The following PGS1 variants were observed in gnomAD, a reference collection of about 807,000 sequenced individuals.
PGS1 encodes phosphatidylglycerophosphate synthase 1.
A neutral mutation model predicts 58.3 loss-of-function variants in PGS1; 44 were observed. That is an observed-to-expected ratio of 0.75 (90% CI 0.59 to 0.97). The LOEUF is 0.97. Among genes scored for constraint, PGS1 ranks in the 50% least tolerant of loss-of-function variants. PGS1 has a pLI of 0.00. For missense variants in PGS1, 684 were observed against 731.1 expected, an observed-to-expected ratio of 0.94 and a Z score of 0.74; for synonymous variants, 330 against 311.0, an observed-to-expected ratio of 1.06 and a Z score of -0.64.
chr17:78,400,868 G>T lies in PGS1; in HGVS notation c.880+13G>T. 6.4e-7 allele frequency: 1 copy of T among 1,574,636 alleles called. No individual in the cohort carries two copies. ...CATCCTTACAAAGGTAGGGGCTGCC[G>T]CTGACACCCTTCTATGGCTGTGGGT... is the stretch of plus-strand genomic sequence containing the variant. On this transcript the variant is annotated intron_variant, in intron 6 of 9. Transcript: ENST00000262764. This position sits in a 1 kb window ranked among gnomAD's most constrained non-coding sequence, Gnocchi z 4.4.
At chr17:78,413,820 G>A (rs1260651049) in intron 7 of PGS1, among the ~76,000 whole-genome samples, 3 of 152,188 alleles carry the variant, frequency 2.0e-5, no homozygotes, top group South Asian at 2.1e-4. Context: ...GTTGTGGAAC[G>A]GGGCGCAAAA....
At chr17:78,404,792 A>G (rs1229994601) in intron 7 of PGS1, among the ~76,000 whole-genome samples, 1 of 151,078 alleles carries the variant, frequency 6.6e-6, no homozygotes, top group Non-Finnish European at 1.5e-5. Flanking sequence ...TTCCGAGTAG[A>G]TGGGATTACA....
intron 1 of PGS1, among the ~76,000 whole-genome samples, chr17:78,388,013 A>G (rs1350710852): frequency 1.3e-5 from 2 of 152,142 alleles, no homozygotes; most frequent in Non-Finnish European, 1.5e-5. Context: ...TTTTTTGGGT[A>G]TTTAAAATTG....
In PGS1 at chr17:78,392,643, C is replaced by T. The variant is rs2082911145; in HGVS notation, c.311C>T (p.Ala104Val). 1 of 1,613,868 alleles carries T rather than the reference C, an allele frequency of 6.2e-7. No homozygotes were observed. Among genetic ancestry groups the T allele is most frequent in the Non-Finnish European group, 8.5e-7 (1 of 1,179,898 alleles). Reference protein sequence around the residue: ...SSHVRVLSSPAEFFELMKGQI... With the variant: ...SSHVRVLSSPVEFFELMKGQI... ...CACGTTAGGGTGCTTTCTTCCCCGG[C>T]AGAGTTTTTCGAGCTCATGAAGGTA... The change falls in exon 2 of 10, where the codon GCA (alanine) becomes GTA (valine). Residue 104 changes from alanine to valine, a missense_variant. Coordinates refer to ENST00000262764, the MANE Select transcript of PGS1 (RefSeq NM_024419.5).
At chr17:78,420,282 C>T (rs564933064) in intron 9 of PGS1, 577 of 952,760 alleles carry the variant, frequency 6.1e-4, no homozygotes, top group Non-Finnish European at 6.9e-4. Context: ...AGGGGCCTGC[C>T]GCTTCACCAG....
In PGS1 at chr17:78,389,622, C is replaced by CTT. The variant is rs34954607; in HGVS notation, c.144-2846_144-2845dup. On this transcript the variant is annotated intron_variant, in intron 1 of 9. Transcript: ENST00000262764. ...AGGCGTGAGCCACCGTGCTCGGCCCCTTTTTTTTTGAGACGAAGTCTCACT... is the reference window on the plus strand; with the variant it reads ...AGGCGTGAGCCACCGTGCTCGGCCCCTTTTTTTTTTTGAGACGAAGTCTCACT... 9.2e-3 allele frequency among the ~76,000 whole-genome samples: 1,380 copies of CTT among 150,146 alleles called. 24 individuals are homozygous for CTT. The highest frequency in any genetic ancestry group is 0.031 in the African/African-American group (1,287 of 40,890).
intron 9 of PGS1, chr17:78,420,144 G>T: frequency 9.9e-7 from 1 of 1,013,338 alleles, no homozygotes; most frequent in African/African-American, 1.7e-5. Context: ...CACAGGGTGG[G>T]GCGTCGGTAG....
chr17:78,424,327 C>G lies in PGS1; in HGVS notation c.*277C>G. The G allele has an allele frequency of 1.4e-6, 1 of 715,956 alleles. No individual in the cohort carries two copies. The highest frequency in any genetic ancestry group is 2.2e-6 in the Non-Finnish European group (1 of 450,990). 44.4% of individuals were successfully genotyped at this position (715,956 alleles called of 1,614,324 possible). On this transcript the variant is annotated 3_prime_UTR_variant, in exon 10 of 10. Coordinates refer to ENST00000262764, the MANE Select transcript of PGS1 (RefSeq NM_024419.5). Reference sequence around the variant, plus strand: ...AGAGGCCTTCGTAGGTGATGGCCTGCATGTTGTAACTACCCCGTCCCGCTG... The same window carrying G: ...AGAGGCCTTCGTAGGTGATGGCCTGGATGTTGTAACTACCCCGTCCCGCTG...
intron 8 of PGS1, among the ~76,000 whole-genome samples, chr17:78,416,747 C>G (rs953832860): frequency 4.6e-5 from 7 of 152,226 alleles, no homozygotes; most frequent in African/African-American, 1.7e-4. Context: ...AGACTGATTT[C>G]TCTGCCTGTG....
chr17:78,380,642 G>GT (rs1448571591), intron 1 of PGS1, among the ~76,000 whole-genome samples: 1 of 152,116 alleles, frequency 6.6e-6, no homozygotes, highest in Admixed American at 6.5e-5. Flanking sequence ...CTGAGATTTG[G>GT]TTTACAGTTT....
chr17:78,396,746 A>G (rs372144631), intron 3 of PGS1, among the ~76,000 whole-genome samples: 24 of 152,352 alleles, frequency 1.6e-4, no homozygotes, highest in African/African-American at 5.5e-4. Flanking sequence ...TGGTTTTTAC[A>G]TTTTCAAATA....
chr17:78,416,140 G>A (rs966662872), intron 8 of PGS1, among the ~76,000 whole-genome samples: 1 of 152,158 alleles, frequency 6.6e-6, no homozygotes, highest in Admixed American at 6.5e-5. Context: ...TCACGACCAC[G>A]ACAGGCGCAA....
At chr17:78,416,642 C>G (rs1002418711) in intron 8 of PGS1, among the ~76,000 whole-genome samples, 1 of 152,206 alleles carries the variant, frequency 6.6e-6, no homozygotes, top group African/African-American at 2.4e-5. Flanking sequence ...GGGATATTTT[C>G]TTTTTCTTCC....
intron 1 of PGS1, among the ~76,000 whole-genome samples, chr17:78,384,940 C>T (rs938348): frequency 0.42 from 63,776 of 152,040 alleles, 14,720 homozygotes; most frequent in Admixed American, 0.52. Flanking sequence ...TCAGTGGCAT[C>T]CCTTCTCTGA....
At chr17:78,415,645 G>T (rs1443784757) in intron 8 of PGS1, among the ~76,000 whole-genome samples, 1 of 152,158 alleles carries the variant, frequency 6.6e-6, no homozygotes, top group East Asian at 1.9e-4. Context: ...AAAATAAAAG[G>T]GTTCAACAGT....
chr17:78,423,743 C>T, intron 9 of PGS1: 2 of 920,176 alleles, frequency 2.2e-6, no homozygotes, highest in Non-Finnish European at 3.3e-6. Flanking sequence ...TCCACACCAA[C>T]CTCCACCCTC....
intron 3 of PGS1, among the ~76,000 whole-genome samples, chr17:78,396,949 T>A (rs4969182): frequency 6.6e-6 from 1 of 151,998 alleles, no homozygotes; most frequent in East Asian, 1.9e-4. Context: ...AAATATTTAC[T>A]CTCTGGCCGT....
At chr17:78,410,856 T>C (rs866867391) in intron 7 of PGS1, among the ~76,000 whole-genome samples, 5 of 152,158 alleles carry the variant, frequency 3.3e-5, no homozygotes, top group South Asian at 2.1e-4. Flanking sequence ...CAAACAGATA[T>C]CTAACAAATA....
chr17:78,383,414 C>T (rs370781753), intron 1 of PGS1, among the ~76,000 whole-genome samples: 3 of 152,196 alleles, frequency 2.0e-5, no homozygotes, highest in African/African-American at 4.8e-5. Flanking sequence ...TTAGTAGAGA[C>T]GCGGTTTCTC....
Sources: gnomAD v4.1 joint callset for allele counts (sites outside exome capture counted in the v4.1 genomes callset) on GRCh38, gnomAD v4.1.1 for gene constraint, Gnocchi (gnomAD v3.1) non-coding constraint, MANE v1.5 for transcripts, NCBI Gene and HGNC (gene_info 2026-07-23, HGNC 2026-07-21) for gene names.